Variants in LRMDA observed in about 807,000 individuals in gnomAD.
LRMDA encodes the protein leucine rich melanocyte differentiation associated.
A neutral mutation model predicts 29.8 loss-of-function variants in LRMDA; 18 were observed. The observed-to-expected ratio is 0.60, with a 90% CI of 0.42 to 0.90. The LOEUF (loss-of-function observed/expected upper bound fraction) is 0.90. Ranked by LOEUF, LRMDA falls within the 40% of genes least tolerant of loss-of-function variation. The pLI is 0.00. For synonymous variants in LRMDA, 125 were observed against 109.4 expected, an observed-to-expected ratio of 1.14 and a Z score of -0.89; for missense variants, 273 against 273.9, an observed-to-expected ratio of 1.00 and a Z score of 0.02.
intron 5 of LRMDA, among the ~76,000 whole-genome samples, chr10:76,261,931 G>T (rs992163007): frequency 2.0e-5 from 3 of 152,028 alleles, no homozygotes; most frequent in Non-Finnish European, 4.4e-5. Flanking sequence ...AAATATTAGT[G>T]GGGAAGAAAA....
At chr10:76,517,564 C>T (rs552231782) in intron 6 of LRMDA, among the ~76,000 whole-genome samples, 2 of 151,966 alleles carry the variant, frequency 1.3e-5, no homozygotes, top group Non-Finnish European at 2.9e-5. Flanking sequence ...AATTTACTAA[C>T]TGTATATTCA....
chr10:75,985,757 G>A (rs1418115995), intron 2 of LRMDA, among the ~76,000 whole-genome samples: 1 of 152,156 alleles, frequency 6.6e-6, no homozygotes, highest in Non-Finnish European at 1.5e-5. Flanking sequence ...GTTTCCCTGG[G>A]GCACATCAGG....
intron 2 of LRMDA, among the ~76,000 whole-genome samples, chr10:75,588,858 G>T (rs1039733348): frequency 6.6e-6 from 1 of 152,042 alleles, no homozygotes; most frequent in Non-Finnish European, 1.5e-5. Flanking sequence ...TTATAAAAAA[G>T]ATATCATTCT....
intron 4 of LRMDA, among the ~76,000 whole-genome samples, chr10:76,048,362 G>T (rs558394155): frequency 6.6e-6 from 1 of 152,256 alleles, no homozygotes; most frequent in Admixed American, 6.5e-5. Context: ...GGGAGGGATT[G>T]GTCTCAAGTA....
intron 5 of LRMDA, among the ~76,000 whole-genome samples, chr10:76,297,985 G>A (rs754551894): frequency 1.8e-4 from 28 of 152,254 alleles, no homozygotes; most frequent in Non-Finnish European, 3.4e-4. Flanking sequence ...GCCGACTGAA[G>A]TCGAGGGCTT....
chr10:75,635,624 A>G (rs959387387), intron 2 of LRMDA, among the ~76,000 whole-genome samples: 2 of 152,150 alleles, frequency 1.3e-5, no homozygotes, highest in African/African-American at 2.4e-5. Context: ...TTCTGGTTCT[A>G]CAGTTACAGG....
At chr10:76,234,851 T>C (rs141558546) in intron 5 of LRMDA, among the ~76,000 whole-genome samples, 102 of 152,338 alleles carry the variant, frequency 6.7e-4, no homozygotes, top group African/African-American at 2.4e-3. Flanking sequence ...TCATGGTTGG[T>C]TTGATCTTCT....
chr10:75,898,116 G>T (rs917204799), intron 2 of LRMDA, among the ~76,000 whole-genome samples: 1 of 152,094 alleles, frequency 6.6e-6, no homozygotes, highest in Non-Finnish European at 1.5e-5. Flanking sequence ...GAGCCACTGC[G>T]CCTGGCCTTC....
intron 5 of LRMDA, among the ~76,000 whole-genome samples, chr10:76,282,835 A>G (rs897407920): frequency 1.3e-5 from 2 of 152,146 alleles, no homozygotes; most frequent in Non-Finnish European, 2.9e-5. Flanking sequence ...CTTCAGAGGG[A>G]GGTCCGGCAG....
At chr10:75,707,202 A>G (rs1367947901) in intron 2 of LRMDA, among the ~76,000 whole-genome samples, 2 of 152,142 alleles carry the variant, frequency 1.3e-5, no homozygotes, top group Non-Finnish European at 2.9e-5. Flanking sequence ...AGATTTTACT[A>G]TCTCCCTCTG....
chr10:75,751,684 C>A (rs2132220071), intron 2 of LRMDA, among the ~76,000 whole-genome samples: 1 of 152,086 alleles, frequency 6.6e-6, no homozygotes, highest in Non-Finnish European at 1.5e-5. Context: ...CACTTCCCAC[C>A]CCCTAGACCC....
intron 6 of LRMDA, among the ~76,000 whole-genome samples, chr10:76,410,121 G>A (rs1841942681): frequency 6.6e-6 from 1 of 151,944 alleles, no homozygotes; most frequent in Admixed American, 6.6e-5. Context: ...TTGAAGGCAC[G>A]GAATTGTAGT....
chr10:76,082,210 A>G (rs764954083), intron 5 of LRMDA, among the ~76,000 whole-genome samples: 1 of 152,200 alleles, frequency 6.6e-6, no homozygotes, highest in Non-Finnish European at 1.5e-5. Flanking sequence ...GGATCTGTGT[A>G]TACGCAGGGG....
intron 6 of LRMDA, among the ~76,000 whole-genome samples, chr10:76,474,132 ATGGCGC>A (rs1842644169): frequency 6.6e-6 from 1 of 151,672 alleles, no homozygotes; most frequent in South Asian, 2.1e-4. Context: ...ATTTCAACAA[ATGGCGC>A]TCAGGTAACT....
intron 5 of LRMDA, among the ~76,000 whole-genome samples, chr10:76,238,166 C>A (rs10824386): frequency 0.54 from 82,566 of 151,786 alleles, 22,942 homozygotes; most frequent in South Asian, 0.7. Context: ...TTCAGAGAGG[C>A]CTAATAAATA....
chr10:76,559,858 A>G lies in LRMDA; in HGVS notation c.*2570A>G, dbSNP rs1843602759. ...TGAGTGGAGAGACCTCGGCAATTCA[A>G]GGCTGTCCTGCAGCTCTCTGTTGCC... is the stretch of plus-strand genomic sequence containing the variant. On this transcript the variant is annotated 3_prime_UTR_variant, in exon 7 of 7. Coordinates refer to ENST00000611255, the MANE Select transcript of LRMDA (RefSeq NM_001305581.2). 6.6e-6 allele frequency: 1 copy of G among 152,188 alleles called. No individual in the cohort carries two copies. The highest frequency in any genetic ancestry group is 2.1e-4 in the South Asian group (1 of 4,832). 9.4% of individuals were successfully genotyped at this position (152,188 alleles called of 1,614,324 possible). A position where few individuals can be genotyped will look rare whatever the true frequency, so the allele number is the denominator to read the frequency against.
intron 2 of LRMDA, among the ~76,000 whole-genome samples, chr10:75,899,663 C>G (rs750795978): frequency 1.3e-5 from 2 of 152,164 alleles, no homozygotes; most frequent in African/African-American, 2.4e-5. Context: ...CAACTACAAC[C>G]TCTTAGATTT....
chr10:76,038,679 A>G (rs980351973), intron 3 of LRMDA, among the ~76,000 whole-genome samples: 2 of 152,222 alleles, frequency 1.3e-5, no homozygotes, highest in Admixed American at 6.5e-5. Flanking sequence ...TTTTTCAGCT[A>G]AATGACTCTC....
intron 2 of LRMDA, among the ~76,000 whole-genome samples, chr10:75,886,351 C>T (rs1481836482): frequency 1.3e-5 from 2 of 152,168 alleles, no homozygotes; most frequent in Admixed American, 1.3e-4. Flanking sequence ...ATGGTGTATA[C>T]TGCACACCAG....
Sources: gnomAD v4.1 joint callset for allele counts (sites outside exome capture counted in the v4.1 genomes callset) on GRCh38, gnomAD v4.1.1 for gene constraint, MANE v1.5 for transcripts, NCBI Gene and HGNC (gene_info 2026-07-23, HGNC 2026-07-21) for gene names.